Variants in HFE observed in about 807,000 individuals in gnomAD.
HFE encodes hereditary hemochromatosis protein.
A neutral mutation model predicts 40.9 loss-of-function variants in HFE; 36 were observed. The ratio of observed to expected loss-of-function variants is 0.88; its 90% CI spans 0.67 to 1.16. HFE has a LOEUF of 1.16. Among genes scored for constraint, HFE ranks in the 50% most tolerant of loss-of-function variants. The pLI, the probability that HFE is intolerant of heterozygous loss-of-function variation, is 0.00. For missense variants in HFE, 376 were observed against 432.0 expected, an observed-to-expected ratio of 0.87 and a Z score of 1.15; for synonymous variants, 157 against 165.4, an observed-to-expected ratio of 0.95 and a Z score of 0.39.
At position 26,096,491 on chromosome 6, in the gene HFE, A is replaced by T. The variant is rs1320769987; in HGVS notation, c.*2265A>T. On this transcript the variant is annotated 3_prime_UTR_variant, in exon 6 of 6. Coordinates refer to ENST00000357618, the MANE Select transcript of HFE (RefSeq NM_000410.4). ...GCATGTGTTTACTTTATGTTACTAC[A>T]TGCACTTGGCTGCATAAATGTGGTA... is the stretch of plus-strand genomic sequence containing the variant. The T allele has an allele frequency of 2.2e-6, 1 of 456,514 alleles. No individual in the cohort carries two copies. Among genetic ancestry groups the T allele is most frequent in the Admixed American group, 2.3e-5 (1 of 42,558 alleles). The allele number at this position is 456,514 out of a possible 1,614,324, so 28.3% of individuals were successfully genotyped here.
rs141229562 is a variant in HFE at position 26,093,178 on chromosome 6, G to A, written c.952G>A (p.Val318Ile). ...CATCAGTGGAATTGCTGTTTTTGTC[G>A]TCATCTTGTTCATTGGAATTTTGTT... ...GVISGIAVFV[V>I]ILFIGILFII... is the part of the protein sequence containing the mutation. Residue 318 changes from valine (V) to isoleucine (I), a missense_variant, in exon 5 of 6, where the codon GTC becomes ATC. Transcript: ENST00000357618. 20 of 1,613,934 alleles carry A rather than the reference G, an allele frequency of 1.2e-5. No homozygotes were observed. Among genetic ancestry groups the A allele is most frequent in the South Asian group, 9.9e-5 (9 of 91,088 alleles).
intron 1 of HFE, among the ~76,000 whole-genome samples, chr6:26,089,685 G>T (rs926452386): frequency 6.6e-6 from 1 of 152,120 alleles, no homozygotes; most frequent in Admixed American, 6.5e-5. Flanking sequence ...TCATGCCAAG[G>T]AGGAGGCCAA....
intron 1 of HFE, among the ~76,000 whole-genome samples, chr6:26,090,134 G>T (rs572537187): frequency 6.6e-6 from 1 of 152,080 alleles, no homozygotes; most frequent in Admixed American, 6.6e-5. Context: ...GGCCACATAG[G>T]CAGTTCAGTG....
At chr6:26,089,872 G>A (rs1762554976) in intron 1 of HFE, among the ~76,000 whole-genome samples, 1 of 152,142 alleles carries the variant, frequency 6.6e-6, no homozygotes. Context: ...AGGCTGCAGT[G>A]AGCCATGACT....
Position 26,092,899 on chromosome 6 carries a change from G to C in HFE, c.831G>C (p.Glu277Asp). 6.2e-7 allele frequency: 1 copy of C among 1,614,214 alleles called. No individual in the cohort carries two copies. Among genetic ancestry groups the C allele is most frequent in the South Asian group, 1.1e-5 (1 of 91,088 alleles). The change falls in exon 4 of 6, where the codon GAG becomes GAC. Residue 277 changes from glutamate to aspartate, a missense_variant. Transcript: ENST00000357618. ...CCTTGGCTGTACCCCCTGGGGAAGA[G>C]CAGAGATATACGTGCCAGGTGGAGC... ...WITLAVPPGE[E>D]QRYTCQVEHP...
chr6:26,093,668 A>C (rs1371515053), intron 5 of HFE, among the ~76,000 whole-genome samples: 1 of 152,052 alleles, frequency 6.6e-6, no homozygotes, highest in Non-Finnish European at 1.5e-5. Context: ...TTGAAGGAGA[A>C]GCTGGATTCC....
rs780950652 is a variant in HFE, at chr6:26,091,487, C to A, written c.514C>A (p.His172Asn). ...AWPTKLEWER[H>N]KIRARQNRAY... is the part of the protein sequence containing the mutation. The stretch of plus-strand genomic sequence containing the variant: ...GCCCACCAAGCTGGAGTGGGAAAGG[C>A]ACAAGATTCGGGCCAGGCAGAACAG... The change falls in exon 3 of 6, where the codon CAC becomes AAC. Residue 172 changes from histidine to asparagine, a missense_variant. By Grantham distance (68) the His-to-Asn change is moderately conservative. Transcript: ENST00000357618. 4 of 1,614,174 alleles carry A rather than the reference C, an allele frequency of 2.5e-6. No homozygotes were observed. Among genetic ancestry groups the A allele is most frequent in the East Asian group, 4.5e-5 (2 of 44,886 alleles).
chr6:26,091,573 T>A lies in HFE; in HGVS notation c.600T>A (p.Gly200=). 6.2e-7 allele frequency: 1 copy of A among 1,613,006 alleles called. No individual in the cohort carries two copies. Among genetic ancestry groups the A allele is most frequent in the Non-Finnish European group, 8.5e-7 (1 of 1,179,816 alleles). ...QLQQLLELGR[G]VLDQQVPPLV... ...AGCAGTTGCTGGAGCTGGGGAGAGGTGTTTTGGACCAACAAGGTATGGTGG... is the reference window on the plus strand; with the variant it reads ...AGCAGTTGCTGGAGCTGGGGAGAGGAGTTTTGGACCAACAAGGTATGGTGG... Residue 200 remains glycine, a synonymous_variant, in exon 3 of 6, where the codon GGT becomes GGA. Coordinates refer to ENST00000357618, the MANE Select transcript of HFE (RefSeq NM_000410.4).
rs768818817 is a variant in HFE at position 26,087,498 on chromosome 6, C to G, written c.58C>G (p.Leu20Val). Residue 20 changes from leucine (L) to valine (V), a missense_variant, in exon 1 of 6, where the codon CTG becomes GTG. By Grantham distance (32) the Leu-to-Val change is conservative. Around this residue, in one of 3 missense-constraint regions of HFE, gnomAD observed 200 missense variants for 228.5 expected, o/e 0.88. Coordinates refer to ENST00000357618, the MANE Select transcript of HFE (RefSeq NM_000410.4). Reference protein sequence around the residue: ...LLLMLLQTAVLQGRLLRSHSL... With the variant: ...LLLMLLQTAVVQGRLLRSHSL... The stretch of plus-strand genomic sequence containing the variant: ...CCTGATGCTTTTGCAGACCGCGGTC[C>G]TGCAGGGGCGCTTGCTGCGTGAGTC... 6.2e-7 allele frequency: 1 copy of G among 1,613,620 alleles called. No homozygotes were observed. The highest frequency in any genetic ancestry group is 8.5e-7 in the Non-Finnish European group (1 of 1,179,610).
intron 3 of HFE, 84 bp from the exon 4 acceptor site, chr6:26,092,601 A>G (rs771832099): frequency 3.7e-6 from 6 of 1,613,000 alleles, no homozygotes; most frequent in East Asian, 2.2e-5. Context: ...CCTTCCTCCA[A>G]CCTATAGAAG....
chr6:26,094,058 G>A (rs1762906303), intron 5 of HFE, 128 bp from the exon 6 acceptor site: 2 of 888,618 alleles, frequency 2.3e-6, no homozygotes, highest in Non-Finnish European at 3.8e-6. Flanking sequence ...GAGAGATAAT[G>A]GTTCTTGAAA....
intron 1 of HFE, among the ~76,000 whole-genome samples, chr6:26,088,079 C>G (rs1027716049): frequency 6.6e-6 from 1 of 152,194 alleles, no homozygotes; most frequent in African/African-American, 2.4e-5. Flanking sequence ...TTGGTGAGAC[C>G]TGGGGTGGAG....
chr6:26,091,526 A>T lies in HFE; in HGVS notation c.553A>T (p.Arg185Trp). ...RARQNRAYLE[R>W]DCPAQLQQLL... ...CAGGCAGAACAGGGCCTACCTGGAG[A>T]GGGACTGCCCTGCACAGCTGCAGCA... is the stretch of plus-strand genomic sequence containing the variant. Residue 185 changes from arginine to tryptophan, a missense_variant, in exon 3 of 6, where the codon AGG (arginine) becomes TGG (tryptophan). Physicochemically the swap from Arg to Trp is moderately radical, Grantham distance 101. Transcript: ENST00000357618. 1 of 1,614,020 alleles carries T rather than the reference A, an allele frequency of 6.2e-7. No individual in the cohort carries two copies. The highest frequency in any genetic ancestry group is 2.2e-5 in the East Asian group (1 of 44,872).
Position 26,091,606 on chromosome 6 carries a change from C to T in HFE, c.616+17C>T. 4 of 1,611,762 alleles carry T rather than the reference C, an allele frequency of 2.5e-6. No individual in the cohort carries two copies. The highest frequency in any genetic ancestry group is 1.1e-5 in the South Asian group (1 of 90,838). The stretch of plus-strand genomic sequence containing the variant: ...ACCAACAAGGTATGGTGGAAACACA[C>T]TTCTGCCCCTATACTCTAGTGGCAG... On this transcript the variant is annotated intron_variant, in intron 3 of 5. Transcript: ENST00000357618.
Position 26,094,302 on chromosome 6 carries a change from C to G in HFE, c.*76C>G. ...AGAGGGAGTGCATTTATGAGCTCTT[C>G]ATGTTTCAGGAGAGAGTTGAACCTA... On this transcript the variant is annotated 3_prime_UTR_variant, in exon 6 of 6. Transcript: ENST00000357618. 7.4e-7 allele frequency: 1 copy of G among 1,346,562 alleles called. No homozygotes were observed. The highest frequency in any genetic ancestry group is 1.1e-6 in the Non-Finnish European group (1 of 939,270). The allele number at this position is 1,346,562 out of a possible 1,614,324, so 83.4% of individuals were successfully genotyped here.
intron 1 of HFE, among the ~76,000 whole-genome samples, chr6:26,089,930 CT>C (rs1762558760): frequency 1.3e-5 from 2 of 152,070 alleles, no homozygotes; most frequent in South Asian, 2.1e-4. Flanking sequence ...CCTGTCTCCC[CT>C]GACCCCCTGA....
In HFE at chr6:26,091,414, A is replaced by G; in HGVS notation, c.441A>G (p.Glu147=). ...GGTATGATGGGCAGGACCACCTTGAATTCTGCCCTGACACACTGGATTGGA... is the reference window on the plus strand; with the variant it reads ...GGTATGATGGGCAGGACCACCTTGAGTTCTGCCCTGACACACTGGATTGGA... The part of the protein sequence containing the change: ...KYGYDGQDHL[E]FCPDTLDWRA... Residue 147 remains glutamate, a synonymous_variant, in exon 3 of 6, where the codon GAA becomes GAG. Coordinates refer to ENST00000357618, the MANE Select transcript of HFE (RefSeq NM_000410.4). 2 of 1,614,150 alleles carry G rather than the reference A, an allele frequency of 1.2e-6. No homozygotes were observed. The highest frequency in any genetic ancestry group is 8.5e-7 in the Non-Finnish European group (1 of 1,180,018).
rs1307209993 is a variant in HFE, at chr6:26,097,583, A to G, written c.*3357A>G. 1.3e-5 allele frequency: 2 copies of G among 152,180 alleles called. No individual in the cohort carries two copies. The highest frequency in any genetic ancestry group is 1.3e-4 in the Admixed American group (2 of 15,278). 9.4% of individuals were successfully genotyped at this position (152,180 alleles called of 1,614,324 possible). On this transcript the variant is annotated 3_prime_UTR_variant, in exon 6 of 6. Coordinates refer to ENST00000357618, the MANE Select transcript of HFE (RefSeq NM_000410.4). Reference sequence around the variant, plus strand: ...GGTGGAGGGGCGTGCACTGGAAATCACTTGTAGAGAAAAGCCCCTGAAAAT... The same window carrying G: ...GGTGGAGGGGCGTGCACTGGAAATCGCTTGTAGAGAAAAGCCCCTGAAAAT...
rs1192141992 is a variant in HFE at position 26,091,105 on chromosome 6, G to A, written c.340+1G>A. 1.2e-6 allele frequency: 2 copies of A among 1,614,062 alleles called. No individual in the cohort carries two copies. The highest frequency in any genetic ancestry group is 1.7e-6 in the Non-Finnish European group (2 of 1,180,032). ...ATGGAAAATCACAACCACAGCAAGGGTATGTGGAGAGGGGGCCTCACCTTC... is the reference window on the plus strand; with the variant it reads ...ATGGAAAATCACAACCACAGCAAGGATATGTGGAGAGGGGGCCTCACCTTC... On this transcript the variant is annotated splice_donor_variant, in intron 2 of 5. Transcript: ENST00000357618. LOFTEE classifies it high-confidence loss of function.
Sources: gnomAD v4.1 joint callset for allele counts (sites outside exome capture counted in the v4.1 genomes callset) on GRCh38, gnomAD v4.1.1 for gene constraint, gnomAD v4.1.1 regional missense constraint, MANE v1.5 for transcripts, NCBI Gene and HGNC (gene_info 2026-07-23, HGNC 2026-07-21) for gene names.